The following ANKRD13A variants were observed in gnomAD, a reference collection of about 807,000 sequenced individuals.
The protein encoded by ANKRD13A is ankyrin repeat domain-containing protein 13A.
In ANKRD13A, 48 loss-of-function variants were observed where a neutral mutation model predicts 81.3. The ratio of observed to expected loss-of-function variants is 0.59; its 90% CI spans 0.47 to 0.75. ANKRD13A has a LOEUF of 0.75. Ranked by LOEUF, ANKRD13A falls within the 30% of genes least tolerant of loss-of-function variation. ANKRD13A has a pLI of 0.00. For missense variants in ANKRD13A, 612 were observed against 734.0 expected, an observed-to-expected ratio of 0.83 and a Z score of 1.92; for synonymous variants, 230 against 270.1, an observed-to-expected ratio of 0.85 and a Z score of 1.45.
intron 2 of ANKRD13A, 70 bp from the exon 3 acceptor site, chr12:110,013,055 T>G (rs1203407156): frequency 2.6e-6 from 4 of 1,565,762 alleles, no homozygotes; most frequent in Non-Finnish European, 3.5e-6. Context: ...TTGATCTAGA[T>G]ACTTTTTCAG....
intron 6 of ANKRD13A, among the ~76,000 whole-genome samples, chr12:110,023,232 G>A (rs560091455): frequency 2.0e-5 from 3 of 152,224 alleles, no homozygotes; most frequent in East Asian, 1.9e-4. Flanking sequence ...GAGAGGGAGC[G>A]TTTCCCAGGG....
In ANKRD13A at chr12:110,039,480, A is replaced by G. The variant is rs939511069; in HGVS notation, c.*1926A>G. 3.3e-5 allele frequency: 5 copies of G among 152,188 alleles called. No homozygotes were observed. Among genetic ancestry groups the G allele is most frequent in the Non-Finnish European group, 7.3e-5 (5 of 68,042 alleles). The allele number at this position is 152,188 out of a possible 1,614,324, so 9.4% of individuals were successfully genotyped here. A position where few individuals can be genotyped will look rare whatever the true frequency, so the allele number is the denominator to read the frequency against. ...CTTTTCAGTTTTTTCTAGTCACTGGATGTACCCACACTTCCTGTTACGTAT... is the reference window on the plus strand; with the variant it reads ...CTTTTCAGTTTTTTCTAGTCACTGGGTGTACCCACACTTCCTGTTACGTAT... On this transcript the variant is annotated 3_prime_UTR_variant, in exon 15 of 15. Coordinates refer to ENST00000261739, the MANE Select transcript of ANKRD13A (RefSeq NM_033121.2).
intron 3 of ANKRD13A, 22 bp downstream of exon 3, chr12:110,013,271 G>A: frequency 6.2e-7 from 1 of 1,613,258 alleles, no homozygotes; most frequent in Non-Finnish European, 8.5e-7. Context: ...AATGTGGCCA[G>A]GCCATAATCT....
At chr12:110,026,634 C>T (rs542839923) in intron 8 of ANKRD13A, among the ~76,000 whole-genome samples, 2 of 151,746 alleles carry the variant, frequency 1.3e-5, no homozygotes, top group South Asian at 2.1e-4. Context: ...GTAATCCCAA[C>T]ACTTTGGGAG....
Position 110,027,751 on chromosome 12 carries a change from A to T in ANKRD13A, c.930A>T (p.Gln310His). ...CTTTGCTGGGAACTGTGGAACACCA[A>T]TTTGGTGCACAAGGGGTAAGTTGAA... ...LESLLGTVEHQFGAQGDLTTE... is the reference protein window; with the variant it reads ...LESLLGTVEHHFGAQGDLTTE... The change falls in exon 9 of 15, where the codon CAA becomes CAT. Residue 310 changes from glutamine (Q) to histidine (H), a missense_variant. By Grantham distance (24) the Gln-to-His change is conservative. Transcript: ENST00000261739. The T allele has an allele frequency of 6.2e-7, 1 of 1,614,166 alleles. No homozygotes were observed. The highest frequency in any genetic ancestry group is 8.5e-7 in the Non-Finnish European group (1 of 1,180,010).
chr12:110,030,677 A>G lies in ANKRD13A; in HGVS notation c.1267A>G (p.Ile423Val). 6.2e-7 allele frequency: 1 copy of G among 1,609,582 alleles called. No individual in the cohort carries two copies. The highest frequency in any genetic ancestry group is 8.5e-7 in the Non-Finnish European group (1 of 1,177,550). Residue 423 changes from isoleucine to valine, a missense_variant, in exon 12 of 15, where the codon ATT (isoleucine) becomes GTT (valine). Ile to Val is a conservative substitution (Grantham distance 29, BLOSUM62 3). Transcript: ENST00000261739. Reference sequence around the variant, plus strand: ...CTTGTTTCATGTCTTAAATGCACGGATTACATTTGGAAATGTTAATGGCTG... The same window carrying G: ...CTTGTTTCATGTCTTAAATGCACGGGTTACATTTGGAAATGTTAATGGCTG... ...IPLFHVLNAR[I>V]TFGNVNGCST... is the part of the protein sequence containing the mutation.
intron 10 of ANKRD13A, 110 bp downstream of exon 10, chr12:110,028,752 T>A (rs1891499499): frequency 4.8e-6 from 7 of 1,467,724 alleles, no homozygotes; most frequent in African/African-American, 1.4e-5. Context: ...CCTTATTTTT[T>A]TTTCAGACGG....
intron 8 of ANKRD13A, 141 bp downstream of exon 8, chr12:110,025,964 CTT>C (rs748271339): frequency 0.028 from 13,571 of 486,498 alleles, no homozygotes; most frequent in South Asian, 0.05. Flanking sequence ...CTCTCTCTCT[CTT>C]TTTTTTTTTT....
Position 110,024,661 on chromosome 12 carries a change from G to T in ANKRD13A, c.801+549G>T, listed in dbSNP as rs191034634. On this transcript the variant is annotated intron_variant, in intron 7 of 14. Transcript: ENST00000261739. ...TCCCTCAGTACAACAGGGATTGATG[G>T]CTTTTGGTGTTGGAGCCCAGTGCTG... Among the ~76,000 whole-genome samples the T allele has an allele frequency of 9.3e-3, 1,416 of 152,332 alleles. 28 individuals are homozygous for T. Among genetic ancestry groups the T allele is most frequent in the African/African-American group, 0.032 (1,337 of 41,576 alleles).
intron 6 of ANKRD13A, among the ~76,000 whole-genome samples, chr12:110,019,530 C>T (rs1284176185): frequency 3.3e-5 from 5 of 152,156 alleles, no homozygotes; most frequent in African/African-American, 9.7e-5. Context: ...ACAGTTAAGT[C>T]TTAGAAGACT....
intron 10 of ANKRD13A, chr12:110,028,995 CA>C (rs1715627330): frequency 5.1e-6 from 1 of 197,202 alleles, no homozygotes; most frequent in Admixed American, 5.4e-5. Flanking sequence ...CTGGGCCTCC[CA>C]AACTGCTGGG....
chr12:110,007,767 G>A (rs567115421), intron 1 of ANKRD13A, among the ~76,000 whole-genome samples: 19 of 152,204 alleles, frequency 1.2e-4, no homozygotes, highest in African/African-American at 4.3e-4. Context: ...ATTCCTAAAT[G>A]TTTTATTTTT....
chr12:110,030,607 T>G, intron 11 of ANKRD13A, 38 bp from the exon 12 acceptor site: 3 of 1,253,842 alleles, frequency 2.4e-6, no homozygotes, highest in Non-Finnish European at 3.4e-6. Flanking sequence ...TTATTCTCAG[T>G]AAAGTTTACT....
At chr12:110,014,227 A>G (rs1890672248) in intron 3 of ANKRD13A, among the ~76,000 whole-genome samples, 2 of 152,050 alleles carry the variant, frequency 1.3e-5, no homozygotes, top group Admixed American at 6.6e-5. Context: ...CCTGACTAAC[A>G]CGGTGAAACC....
At chr12:110,012,977 A>G (rs1890604512) in intron 2 of ANKRD13A, 148 bp from the exon 3 acceptor site, 7 of 766,302 alleles carry the variant, frequency 9.1e-6, no homozygotes, top group Middle Eastern at 3.8e-4. Flanking sequence ...AGAGCTAGCA[A>G]TCAGAAGTCA....
intron 1 of ANKRD13A, among the ~76,000 whole-genome samples, chr12:110,002,844 G>A (rs1365303662): frequency 2.6e-5 from 4 of 152,160 alleles, no homozygotes; most frequent in Admixed American, 2.6e-4. Context: ...TCCAGATGAA[G>A]AGGATAAGCA....
rs555317303 is a variant in ANKRD13A, at chr12:110,023,868, G to T, written c.735-178G>T. The T allele has an allele frequency of 6.6e-5, 38 of 578,266 alleles. 1 individual carries two copies. The South Asian group carries it at 8.3e-4, about 13-fold the overall frequency. 35.8% of individuals were successfully genotyped at this position (578,266 alleles called of 1,614,324 possible). On this transcript the variant is annotated intron_variant, in intron 6 of 14. Transcript: ENST00000261739. ...ATTGATTAATAACTGTGGGAGGAGG[G>T]TGGAGGGTGCATAAGCCATCTGTCA... is the stretch of plus-strand genomic sequence containing the variant.
chr12:110,005,172 G>A (rs1046436846), intron 1 of ANKRD13A, among the ~76,000 whole-genome samples: 1 of 151,574 alleles, frequency 6.6e-6, no homozygotes, highest in Non-Finnish European at 1.5e-5. Context: ...TTGTTTTTGA[G>A]ACAGGGTCTC....
intron 3 of ANKRD13A, among the ~76,000 whole-genome samples, chr12:110,014,343 C>T (rs1319916808): frequency 2.0e-5 from 3 of 152,068 alleles, no homozygotes; most frequent in Non-Finnish European, 1.5e-5. Flanking sequence ...ACCTGGGAGG[C>T]GGAGCTTGCA....
Sources: allele counts gnomAD v4.1 joint callset (sites outside exome capture counted in the v4.1 genomes callset), GRCh38; gene constraint gnomAD v4.1.1; transcripts MANE v1.5; gene names NCBI Gene and HGNC (gene_info 2026-07-23, HGNC 2026-07-21).